Variants in SLC6A20 observed in about 807,000 individuals in gnomAD.
The protein encoded by SLC6A20 is sodium- and chloride-dependent transporter XTRP3.
A neutral mutation model predicts 64.3 loss-of-function variants in SLC6A20; 73 were observed. That is an observed-to-expected ratio of 1.14 (90% confidence interval 0.94 to 1.38). The LOEUF is 1.38. Ranked by LOEUF, SLC6A20 falls within the 40% of genes most tolerant of loss-of-function variation. The probability of loss-of-function intolerance (pLI) is 0.00; values close to 1 mark genes in which losing one functional copy is unlikely to be tolerated. For missense variants in SLC6A20, 725 were observed against 772.8 expected, an observed-to-expected ratio of 0.94 and a Z score of 0.73; for synonymous variants, 347 against 329.6, an observed-to-expected ratio of 1.05 and a Z score of -0.57.
rs747393844 is a variant in SLC6A20 at position 45,759,143 on chromosome 3, G to A, written c.1630-16C>T. The stretch of plus-strand genomic sequence containing the variant: ...CGAGCTGGCCCTGAAAGGAGAGACT[G>A]AGTGTCAGCAGAGAGCACCTGCTGA... On this transcript the variant is annotated splice_polypyrimidine_tract_variant and intron_variant, in intron 10 of 10. Coordinates refer to ENST00000358525, the MANE Select transcript of SLC6A20 (RefSeq NM_020208.4). 4 of 1,602,534 alleles carry A rather than the reference G, an allele frequency of 2.5e-6. No homozygotes were observed. In the African/African-American group the frequency reaches 4.1e-5, roughly 16 times the overall value.
chr3:45,774,975 G>T (rs1265422665), intron 4 of SLC6A20, among the ~76,000 whole-genome samples: 1 of 152,138 alleles, frequency 6.6e-6, no homozygotes, highest in Non-Finnish European at 1.5e-5. Context: ...AGCCGTGGTG[G>T]GTCTACTGTG....
intron 3 of SLC6A20, among the ~76,000 whole-genome samples, chr3:45,779,462 T>A (rs1299607218): frequency 2.6e-5 from 4 of 152,228 alleles, no homozygotes; most frequent in Non-Finnish European, 5.9e-5. Flanking sequence ...TGTTTAGGAA[T>A]GGCCCTATTG....
rs1699756842 is a variant in SLC6A20, at chr3:45,765,369, G to A, written c.1303+168C>T. ...ATGGAACGCACAGGGTGAATCACAT[G>A]GCCCAGGTCCCAGGTTGTGAGAAGA... On this transcript the variant is annotated intron_variant, in intron 8 of 10. Coordinates refer to ENST00000358525, the MANE Select transcript of SLC6A20 (RefSeq NM_020208.4). This position sits in a 1 kb window ranked among gnomAD's most constrained non-coding sequence, Gnocchi z 4.2. 6.6e-6 allele frequency among the ~76,000 whole-genome samples: 1 copy of A among 152,124 alleles called. No homozygotes were observed. Among genetic ancestry groups the A allele is most frequent in the African/African-American group, 2.4e-5 (1 of 41,410 alleles).
At chr3:45,773,495 C>G (rs1284249545) in intron 4 of SLC6A20, among the ~76,000 whole-genome samples, 1 of 152,228 alleles carries the variant, frequency 6.6e-6, no homozygotes, top group Admixed American at 6.5e-5. Flanking sequence ...CCATAGAATA[C>G]AGACCTTCAA....
intron 5 of SLC6A20, chr3:45,772,278 A>G: frequency 2.0e-6 from 1 of 492,950 alleles, no homozygotes; most frequent in Non-Finnish European, 3.6e-6. Context: ...AGAAGCTGAA[A>G]GAAAGACTTA....
At position 45,772,263 on chromosome 3, in the gene SLC6A20, AGAG is replaced by A. The variant is rs1699885153; in HGVS notation, c.693+239_693+241del. ...AGCAGTTGGGGGACAGTGAGGATGA[AGAG>A]GAGAAGCTGAAAGAAAGACTTAATG... On this transcript the variant is annotated intron_variant, in intron 5 of 10. Transcript: ENST00000358525. 14 of 458,262 alleles carry A rather than the reference AGAG, an allele frequency of 3.1e-5. No homozygotes were observed. The South Asian group carries it at 3.3e-4, about 11-fold the overall frequency. 28.4% of individuals were successfully genotyped at this position (458,262 alleles called of 1,614,324 possible). A position where few individuals can be genotyped will look rare whatever the true frequency, so the allele number is the denominator to read the frequency against.
At chr3:45,795,972 A>C (rs916121165) in intron 1 of SLC6A20, among the ~76,000 whole-genome samples, 3 of 152,038 alleles carry the variant, frequency 2.0e-5, no homozygotes, top group Non-Finnish European at 2.9e-5. Context: ...AAGACGTCAG[A>C]CCATTGACAC....
Position 45,758,664 on chromosome 3 carries a change from T to C in SLC6A20, c.*314A>G. ...AAATTTGGTCCCATAAGAATTATAGTCATATTTCAGTTTGCAATGTGCCCT... is the reference window on the plus strand; with the variant it reads ...AAATTTGGTCCCATAAGAATTATAGCCATATTTCAGTTTGCAATGTGCCCT... On this transcript the variant is annotated 3_prime_UTR_variant, in exon 11 of 11. Coordinates refer to ENST00000358525, the MANE Select transcript of SLC6A20 (RefSeq NM_020208.4). The C allele has an allele frequency of 4.3e-6, 5 of 1,165,236 alleles. No individual in the cohort carries two copies. Among genetic ancestry groups the C allele is most frequent in the Non-Finnish European group, 5.3e-6 (5 of 941,342 alleles). 72.2% of individuals were successfully genotyped at this position (1,165,236 alleles called of 1,614,324 possible). A position where few individuals can be genotyped will look rare whatever the true frequency, so the allele number is the denominator to read the frequency against.
chr3:45,784,685 A>G (rs1221055571), intron 1 of SLC6A20, among the ~76,000 whole-genome samples: 1 of 152,206 alleles, frequency 6.6e-6, no homozygotes, highest in Admixed American at 6.5e-5. Context: ...AAAAATGTGA[A>G]CAGGCATTTC....
At chr3:45,784,892 G>A (rs1407221833) in intron 1 of SLC6A20, among the ~76,000 whole-genome samples, 2 of 152,124 alleles carry the variant, frequency 1.3e-5, no homozygotes, top group East Asian at 3.9e-4. Context: ...AGCAAAGGGA[G>A]CAAGAGGGAG....
At chr3:45,777,351 G>A (rs1559568023) in intron 3 of SLC6A20, among the ~76,000 whole-genome samples, 1 of 152,140 alleles carries the variant, frequency 6.6e-6, no homozygotes, top group Non-Finnish European at 1.5e-5. Context: ...CTAGCCTATT[G>A]GAATGTGTGA....
chr3:45,781,115 G>T (rs969977165), intron 2 of SLC6A20, among the ~76,000 whole-genome samples: 12 of 152,140 alleles, frequency 7.9e-5, no homozygotes, highest in African/African-American at 2.4e-4. Flanking sequence ...CAGCTCATCA[G>T]GAGGCTGAGG....
chr3:45,793,924 C>A (rs58599052), intron 1 of SLC6A20, among the ~76,000 whole-genome samples: 10,892 of 152,226 alleles, frequency 0.072, 390 homozygotes, highest in African/African-American at 0.088. Flanking sequence ...CATCCTCTAG[C>A]GTCATTTATT....
intron 4 of SLC6A20, among the ~76,000 whole-genome samples, chr3:45,774,713 C>T (rs1699935566): frequency 6.6e-6 from 1 of 152,076 alleles, no homozygotes. Flanking sequence ...CTCAGGTAGT[C>T]AGAGGGTGAG....
At chr3:45,783,928 T>C (rs1054447842) in intron 1 of SLC6A20, among the ~76,000 whole-genome samples, 11 of 152,258 alleles carry the variant, frequency 7.2e-5, no homozygotes, top group African/African-American at 2.7e-4. Flanking sequence ...CAAGAGGTCA[T>C]TGGTGGCTCT....
rs1049406516 is a variant in SLC6A20, at chr3:45,755,911, C to A, written c.*3067G>T. 2.6e-5 allele frequency: 4 copies of A among 152,400 alleles called. No homozygotes were observed. Among genetic ancestry groups the A allele is most frequent in the African/African-American group, 9.7e-5 (4 of 41,446 alleles). 9.4% of individuals were successfully genotyped at this position (152,400 alleles called of 1,614,324 possible). A position where few individuals can be genotyped will look rare whatever the true frequency, so the allele number is the denominator to read the frequency against. On this transcript the variant is annotated 3_prime_UTR_variant, in exon 11 of 11. Coordinates refer to ENST00000358525, the MANE Select transcript of SLC6A20 (RefSeq NM_020208.4). ...ACTCTTCCATATAATTGGAAATGCT[C>A]AAAAATGCCTTCAAATTTTTAAGTC...
At chr3:45,774,673 T>TG (rs893811245) in intron 4 of SLC6A20, among the ~76,000 whole-genome samples, 3 of 151,714 alleles carry the variant, frequency 2.0e-5, no homozygotes, top group East Asian at 1.9e-4. Context: ...AAGAAATACA[T>TG]GGGGGGTGGG....
intron 9 of SLC6A20, among the ~76,000 whole-genome samples, chr3:45,762,505 A>G (rs1699701407): frequency 6.6e-6 from 1 of 152,224 alleles, no homozygotes; most frequent in Admixed American, 6.5e-5. Flanking sequence ...CTCACTGACT[A>G]AATTTTGAAT....
intron 6 of SLC6A20, 25 bp from the exon 7 acceptor site, chr3:45,770,396 C>T: frequency 6.2e-7 from 1 of 1,611,560 alleles, no homozygotes. Context: ...ATCGGATCGA[C>T]CTTCACTGAT....
Sources: allele counts gnomAD v4.1 joint callset (sites outside exome capture counted in the v4.1 genomes callset), GRCh38; gene constraint gnomAD v4.1.1; non-coding constraint Gnocchi (gnomAD v3.1); transcripts MANE v1.5; gene names NCBI Gene and HGNC (gene_info 2026-07-23, HGNC 2026-07-21).